Variants in MRPL3 observed in about 807,000 individuals in gnomAD.
MRPL3 encodes the protein mitochondrial ribosomal protein L3.
MRPL3 carries 43 observed loss-of-function variants against 44.3 expected under a neutral mutation model. The observed-to-expected ratio is 0.97, with a 90% CI of 0.76 to 1.25. The LOEUF (loss-of-function observed/expected upper bound fraction) is 1.25. Among genes scored for constraint, MRPL3 ranks in the 50% most tolerant of loss-of-function variants. MRPL3 has a pLI of 0.00. For missense variants in MRPL3, 406 were observed against 427.6 expected (o/e 0.95, Z 0.45); for synonymous variants, 171 against 152.3 (o/e 1.12, Z -0.91).
In MRPL3 at chr3:131,487,952, T is replaced by C. The variant is rs113365192; in HGVS notation, c.569-212A>G. On this transcript the variant is annotated intron_variant, in intron 5 of 9. Transcript: ENST00000264995. ...AGACCAAAAGTGGTGCTGTTTGAAA[T>C]GAGTGATTCCCATGACAACACAGTG... 1.8e-3 allele frequency among the ~76,000 whole-genome samples: 274 copies of C among 152,334 alleles called. 2 individuals are homozygous for C. The highest frequency in any genetic ancestry group is 6.1e-3 in the African/African-American group (253 of 41,584).
intron 2 of MRPL3, among the ~76,000 whole-genome samples, chr3:131,500,778 A>T (rs1206201921): frequency 1.3e-5 from 2 of 152,242 alleles, no homozygotes; most frequent in East Asian, 3.8e-4. Flanking sequence ...AAAACAGATA[A>T]GTTAGGTATA....
chr3:131,477,995 C>T lies in MRPL3; in HGVS notation c.630-6716G>A, dbSNP rs116288098. Among the ~76,000 whole-genome samples the T allele has an allele frequency of 6.0e-3, 907 of 152,278 alleles. 13 individuals carry two copies. The highest frequency in any genetic ancestry group is 0.02 in the African/African-American group (847 of 41,556). ...AAGGTTTAAAAGAGGGGTTGGCAAA[C>T]TGGCCTGTGCTGGCCGTATGTTTTT... is the stretch of plus-strand genomic sequence containing the variant. On this transcript the variant is annotated intron_variant, in intron 6 of 9. Coordinates refer to ENST00000264995, the MANE Select transcript of MRPL3 (RefSeq NM_007208.4).
chr3:131,463,875 TTATA>T (rs2110692433), intron 9 of MRPL3, among the ~76,000 whole-genome samples: 1 of 152,278 alleles, frequency 6.6e-6, no homozygotes, highest in East Asian at 1.9e-4. Context: ...TTACATGTAA[TTATA>T]TACACGAGTA....
chr3:131,485,961 C>A (rs546008115), intron 6 of MRPL3, among the ~76,000 whole-genome samples: 1 of 152,116 alleles, frequency 6.6e-6, no homozygotes, highest in East Asian at 1.9e-4. Flanking sequence ...ATAATCCCTG[C>A]AGAATTATCA....
chr3:131,483,015 TA>T (rs1322795031), intron 6 of MRPL3, among the ~76,000 whole-genome samples: 1 of 149,420 alleles, frequency 6.7e-6, no homozygotes, highest in Non-Finnish European at 1.5e-5. Context: ...CAAGTTATAA[TA>T]AGCACCACCA....
At chr3:131,484,908 CAT>C (rs1201840205) in intron 6 of MRPL3, among the ~76,000 whole-genome samples, 5 of 152,194 alleles carry the variant, frequency 3.3e-5, no homozygotes, top group Non-Finnish European at 5.9e-5. Context: ...TGCACACACA[CAT>C]GCGAGGAAAA....
chr3:131,478,944 T>C (rs1411964277), intron 6 of MRPL3, among the ~76,000 whole-genome samples: 1 of 152,062 alleles, frequency 6.6e-6, no homozygotes, highest in East Asian at 1.9e-4. Flanking sequence ...CTGTCCACTC[T>C]AGCCTCCTAA....
At chr3:131,502,062 T>C in intron 1 of MRPL3, 1 of 669,630 alleles carries the variant, frequency 1.5e-6, no homozygotes, top group Admixed American at 2.9e-5. Context: ...TGGCAGAAGG[T>C]GGCATGTTGA....
rs892986016 is a variant in MRPL3, at chr3:131,462,626, T to C, written c.*97A>G. On this transcript the variant is annotated 3_prime_UTR_variant, in exon 10 of 10. Coordinates refer to ENST00000264995, the MANE Select transcript of MRPL3 (RefSeq NM_007208.4). ...AAAGATGACATGTGTGATTTTGTTGTGACTAAGAAAGGAGAGTATGATTTC... is the reference window on the plus strand; with the variant it reads ...AAAGATGACATGTGTGATTTTGTTGCGACTAAGAAAGGAGAGTATGATTTC... The C allele has an allele frequency of 6.7e-6, 8 of 1,186,326 alleles. No individual in the cohort carries two copies. In the African/African-American group the frequency reaches 1.1e-4, roughly 16 times the overall value. The allele number at this position is 1,186,326 out of a possible 1,614,324, so 73.5% of individuals were successfully genotyped here.
chr3:131,481,737 G>A (rs1933993518), intron 6 of MRPL3, among the ~76,000 whole-genome samples: 1 of 152,130 alleles, frequency 6.6e-6, no homozygotes, highest in Non-Finnish European at 1.5e-5. Flanking sequence ...ATTTAAGAGG[G>A]ATTAATTTTT....
At chr3:131,485,585 A>G (rs983136379) in intron 6 of MRPL3, among the ~76,000 whole-genome samples, 50 of 152,176 alleles carry the variant, frequency 3.3e-4, no homozygotes, top group African/African-American at 1.1e-3. Context: ...AAACAGAGTT[A>G]CCAAGGAACC....
At chr3:131,480,004 C>G (rs752386246) in intron 6 of MRPL3, among the ~76,000 whole-genome samples, 3 of 151,996 alleles carry the variant, frequency 2.0e-5, no homozygotes, top group African/African-American at 7.2e-5. Context: ...AGTTTTAAAA[C>G]AAACAAAAAA....
chr3:131,500,645 T>G lies in MRPL3; in HGVS notation c.278-124A>C, dbSNP rs1374817901. The G allele has an allele frequency of 8.4e-6, 6 of 718,514 alleles. No homozygotes were observed. The East Asian group carries it at 1.6e-4, about 19-fold the overall frequency. 44.5% of individuals were successfully genotyped at this position (718,514 alleles called of 1,614,324 possible). A position where few individuals can be genotyped will look rare whatever the true frequency, so the allele number is the denominator to read the frequency against. On this transcript the variant is annotated intron_variant, in intron 2 of 9. Coordinates refer to ENST00000264995, the MANE Select transcript of MRPL3 (RefSeq NM_007208.4). ...CAGGCACGTAAGAAATATGCTAATA[T>G]ATTCACAGAGTAAAGTAGGACTGTT...
chr3:131,466,117 G>A (rs962845695), intron 9 of MRPL3, among the ~76,000 whole-genome samples: 1 of 151,892 alleles, frequency 6.6e-6, no homozygotes. Flanking sequence ...GTCAGTAAGT[G>A]AAGTGTCTCA....
chr3:131,467,157 C>T (rs756256406), intron 9 of MRPL3, among the ~76,000 whole-genome samples: 11 of 152,048 alleles, frequency 7.2e-5, no homozygotes, highest in Non-Finnish European at 1.5e-4. Flanking sequence ...TCACCACAAA[C>T]AATAGCAATT....
intron 3 of MRPL3, among the ~76,000 whole-genome samples, chr3:131,500,125 A>C (rs746772840): frequency 3.3e-5 from 5 of 152,190 alleles, no homozygotes; most frequent in Non-Finnish European, 7.3e-5. Context: ...AAGGAAACAA[A>C]ATGGGATTGA....
At chr3:131,486,944 C>T (rs185046173) in intron 6 of MRPL3, among the ~76,000 whole-genome samples, 1 of 152,152 alleles carries the variant, frequency 6.6e-6, no homozygotes, top group African/African-American at 2.4e-5. Flanking sequence ...CCAGCAATCC[C>T]ATTACTGGGT....
chr3:131,466,802 T>C (rs1025594082), intron 9 of MRPL3, among the ~76,000 whole-genome samples: 1 of 152,144 alleles, frequency 6.6e-6, no homozygotes, highest in African/African-American at 2.4e-5. Context: ...TCAGGATAAC[T>C]AGCATATCCA....
chr3:131,465,891 C>CTTTTTTTTTTTTTTTT (rs55635822), intron 9 of MRPL3, among the ~76,000 whole-genome samples: 2 of 133,348 alleles, frequency 1.5e-5, no homozygotes, highest in Non-Finnish European at 3.1e-5. Context: ...CTTTTTCTCT[C>CTTTTTTTTTTTTTTTT]TTTTTTTTTT....
Sources: allele counts gnomAD v4.1 joint callset (sites outside exome capture counted in the v4.1 genomes callset), GRCh38; gene constraint gnomAD v4.1.1; transcripts MANE v1.5; gene names NCBI Gene and HGNC (gene_info 2026-07-23, HGNC 2026-07-21).